Variants in C2CD4C observed in about 807,000 individuals in gnomAD.
The protein encoded by C2CD4C is C2 calcium-dependent domain-containing protein 4C.
In C2CD4C, 3 loss-of-function variants were observed where a neutral mutation model predicts 4.1. The ratio of observed to expected loss-of-function variants is 0.73; its 90% CI spans 0.33 to 1.88. C2CD4C has a LOEUF of 1.88. Among genes scored for constraint, C2CD4C ranks in the 40% most tolerant of loss-of-function variants. The pLI is 0.08. For synonymous variants in C2CD4C, 364 were observed against 290.4 expected, an observed-to-expected ratio of 1.25 and a Z score of -2.57; for missense variants, 664 against 621.5, an observed-to-expected ratio of 1.07 and a Z score of -0.73.
rs1332560232 is a variant in C2CD4C, at chr19:406,968, G to A, written c.*128C>T. 2 of 639,850 alleles carry A rather than the reference G, an allele frequency of 3.1e-6. No individual in the cohort carries two copies. The highest frequency in any genetic ancestry group is 3.4e-5 in the East Asian group (1 of 29,360). 39.6% of individuals were successfully genotyped at this position (639,850 alleles called of 1,614,324 possible). A position where few individuals can be genotyped will look rare whatever the true frequency, so the allele number is the denominator to read the frequency against. On this transcript the variant is annotated 3_prime_UTR_variant, in exon 2 of 2. Coordinates refer to ENST00000332235, the MANE Select transcript of C2CD4C (RefSeq NM_001136263.2). ...AGCTACAGCATCAGCGCCCAGCCCA[G>A]CCTGAGTGTGAGCCCCTCCCCGGCC...
chr19:407,069 C>T lies in C2CD4C; in HGVS notation c.*27G>A, dbSNP rs777548586. The T allele has an allele frequency of 1.8e-5, 27 of 1,521,884 alleles. No homozygotes were observed. The highest frequency in any genetic ancestry group is 1.2e-4 in the East Asian group (5 of 40,614). The allele number at this position is 1,521,884 out of a possible 1,614,324, so 94.3% of individuals were successfully genotyped here. Reference sequence around the variant, plus strand: ...GAGACCGGGGTCTGCCCTCTGCACCCGAGCGGACAGCGAGCAGGTCCCCGC... The same window carrying T: ...GAGACCGGGGTCTGCCCTCTGCACCTGAGCGGACAGCGAGCAGGTCCCCGC... On this transcript the variant is annotated 3_prime_UTR_variant, in exon 2 of 2. Transcript: ENST00000332235.
Position 407,702 on chromosome 19 carries a change from G to C in C2CD4C, c.660C>G (p.Ser220=), listed in dbSNP as rs1974014176. Residue 220 remains serine (S), a synonymous_variant, in exon 2 of 2, where the codon TCC becomes TCG. Transcript: ENST00000332235. ...YFSGGESDTG[S]SAESSPFGSP... is the part of the protein sequence containing the mutation. ...ACCCGAAGGGGGAGGACTCGGCCGA[G>C]GACCCTGTGTCGCTCTCCCCGCCAC... 1 of 1,534,038 alleles carries C rather than the reference G, an allele frequency of 6.5e-7. No homozygotes were observed. The highest frequency in any genetic ancestry group is 1.2e-5 in the South Asian group (1 of 81,578).
intron 1 of C2CD4C, 93 bp downstream of exon 1, chr19:408,913 T>C (rs950276641): frequency 2.0e-5 from 3 of 152,038 alleles, no homozygotes; most frequent in African/African-American, 2.4e-5. Flanking sequence ...GACTCCCCGG[T>C]GTCCCCCCGC....
rs530564561 is a variant in C2CD4C, at chr19:407,553, G to T, written c.809C>A (p.Pro270Gln). 1.8e-5 allele frequency: 25 copies of T among 1,401,374 alleles called. No homozygotes were observed. The highest frequency in any genetic ancestry group is 2.2e-5 in the Non-Finnish European group (24 of 1,078,328). 86.8% of individuals were successfully genotyped at this position (1,401,374 alleles called of 1,614,324 possible). Reference sequence around the variant, plus strand: ...GCGCCGGCTCCCGGGGCTGGCGTCCGGGGTGCTGTCGTCCGCAGACAGGGA... The same window carrying T: ...GCGCCGGCTCCCGGGGCTGGCGTCCTGGGTGCTGTCGTCCGCAGACAGGGA... ...HGSLSADDST[P>Q]DASPGSRRRL... The change falls in exon 2 of 2, where the codon CCG (proline) becomes CAG (glutamine). Residue 270 changes from proline (P) to glutamine (Q), a missense_variant. Transcript: ENST00000332235.
At chr19:408,768 G>A (rs1325851914) in intron 1 of C2CD4C, among the ~76,000 whole-genome samples, 1 of 152,160 alleles carries the variant, frequency 6.6e-6, no homozygotes, top group African/African-American at 2.4e-5. Context: ...ACGGATGTGG[G>A]TGGACCCCCG....
rs544062749 is a variant in C2CD4C at position 406,594 on chromosome 19, G to A, written c.*502C>T. On this transcript the variant is annotated 3_prime_UTR_variant, in exon 2 of 2. Coordinates refer to ENST00000332235, the MANE Select transcript of C2CD4C (RefSeq NM_001136263.2). ...CAGAGCCTGGGCCTGGTGTGGCCGC[G>A]AGGCCCTGCTCTCCGCGGGGTGGGA... 18 of 153,078 alleles carry A rather than the reference G, an allele frequency of 1.2e-4. No homozygotes were observed. In the East Asian group the frequency reaches 2.3e-3, roughly 20 times the overall value. 9.5% of individuals were successfully genotyped at this position (153,078 alleles called of 1,614,324 possible). A position where few individuals can be genotyped will look rare whatever the true frequency, so the allele number is the denominator to read the frequency against.
Position 406,647 on chromosome 19 carries a change from G to C in C2CD4C, c.*449C>G, listed in dbSNP as rs1293037638. On this transcript the variant is annotated 3_prime_UTR_variant, in exon 2 of 2. Transcript: ENST00000332235. ...TGGATGGCGGCAGGCTGTGGGGGAG[G>C]AAGACACACGTGCAGTGAAGGAGAC... is the stretch of plus-strand genomic sequence containing the variant. 1 of 155,924 alleles carries C rather than the reference G, an allele frequency of 6.4e-6. No individual in the cohort carries two copies. Among genetic ancestry groups the C allele is most frequent in the Non-Finnish European group, 1.4e-5 (1 of 70,758 alleles). 9.7% of individuals were successfully genotyped at this position (155,924 alleles called of 1,614,324 possible).
rs974957951 is a variant in C2CD4C, at chr19:407,046, G to A, written c.*50C>T. ...CCGCCAGCACCCGGTGTGGAGGAGAGACCGGGGTCTGCCCTCTGCACCCGA... is the reference window on the plus strand; with the variant it reads ...CCGCCAGCACCCGGTGTGGAGGAGAAACCGGGGTCTGCCCTCTGCACCCGA... On this transcript the variant is annotated 3_prime_UTR_variant, in exon 2 of 2. Transcript: ENST00000332235. 77 of 1,471,350 alleles carry A rather than the reference G, an allele frequency of 5.2e-5. No homozygotes were observed. The highest frequency in any genetic ancestry group is 6.5e-5 in the Non-Finnish European group (72 of 1,104,508). The allele number at this position is 1,471,350 out of a possible 1,614,324, so 91.1% of individuals were successfully genotyped here. A position where few individuals can be genotyped will look rare whatever the true frequency, so the allele number is the denominator to read the frequency against.
At position 406,981 on chromosome 19, in the gene C2CD4C, C is replaced by CCCCCA; in HGVS notation, c.*114_*115insTGGGG. ...GCGCCCAGCCCAGCCTGAGTGTGAG[C>CCCCCA]CCCTCCCCGGCCAGCCCCAGCCCAA... On this transcript the variant is annotated 3_prime_UTR_variant, in exon 2 of 2. Coordinates refer to ENST00000332235, the MANE Select transcript of C2CD4C (RefSeq NM_001136263.2). 5 of 636,054 alleles carry CCCCCA rather than the reference C, an allele frequency of 7.9e-6. No individual in the cohort carries two copies. Among genetic ancestry groups the CCCCCA allele is most frequent in the Non-Finnish European group, 1.3e-5 (5 of 396,864 alleles). The allele number at this position is 636,054 out of a possible 1,614,324, so 39.4% of individuals were successfully genotyped here.
At position 408,031 on chromosome 19, in the gene C2CD4C, C is replaced by G. The variant is rs1452701017; in HGVS notation, c.331G>C (p.Val111Leu). The change falls in exon 2 of 2, where the codon GTG (valine) becomes CTG (leucine). Residue 111 changes from valine to leucine, a missense_variant. Physicochemically the swap from Val to Leu is conservative, Grantham distance 32 (BLOSUM62 1). Transcript: ENST00000332235. ...KSLLKAATRH[V>L]IQIESAEDWL... ...TCCTCGGCACTCTCGATCTGGATCA[C>G]GTGCCGGGTGGCTGCCTTCAGCAGG... The G allele has an allele frequency of 6.5e-7, 1 of 1,545,254 alleles. No individual in the cohort carries two copies. The highest frequency in any genetic ancestry group is 1.4e-5 in the African/African-American group (1 of 72,702).
In C2CD4C at chr19:406,985, T is replaced by TCCCCCCCCCCCCCCCCCCCCACCC; in HGVS notation, c.*110_*111insGGGTGGGGGGGGGGGGGGGGGGGG. 1.6e-6 allele frequency: 1 copy of TCCCCCCCCCCCCCCCCCCCCACCC among 616,492 alleles called. No individual in the cohort carries two copies. Among genetic ancestry groups the TCCCCCCCCCCCCCCCCCCCCACCC allele is most frequent in the Non-Finnish European group, 2.6e-6 (1 of 384,118 alleles). 38.2% of individuals were successfully genotyped at this position (616,492 alleles called of 1,614,324 possible). A position where few individuals can be genotyped will look rare whatever the true frequency, so the allele number is the denominator to read the frequency against. On this transcript the variant is annotated 3_prime_UTR_variant, in exon 2 of 2. Coordinates refer to ENST00000332235, the MANE Select transcript of C2CD4C (RefSeq NM_001136263.2). ...CCAGCCCAGCCTGAGTGTGAGCCCC[T>TCCCCCCCCCCCCCCCCCCCCACCC]CCCCGGCCAGCCCCAGCCCAAGCCA...
At position 406,942 on chromosome 19, in the gene C2CD4C, C is replaced by A. The variant is rs1973999994; in HGVS notation, c.*154G>T. 1.1e-5 allele frequency: 6 copies of A among 559,812 alleles called. No individual in the cohort carries two copies. The East Asian group carries it at 1.8e-4, about 16-fold the overall frequency. 34.7% of individuals were successfully genotyped at this position (559,812 alleles called of 1,614,324 possible). A position where few individuals can be genotyped will look rare whatever the true frequency, so the allele number is the denominator to read the frequency against. On this transcript the variant is annotated 3_prime_UTR_variant, in exon 2 of 2. Transcript: ENST00000332235. ...TCGGGTGACCCAGGAAACCCTGCGT[C>A]AGCTACAGCATCAGCGCCCAGCCCA... is the stretch of plus-strand genomic sequence containing the variant.
At chr19:408,466 T>A in intron 1 of C2CD4C, 65 bp from the exon 2 acceptor site, 1 of 458,086 alleles carries the variant, frequency 2.2e-6, no homozygotes, top group Non-Finnish European at 3.4e-6. Context: ...GGGCACCTGC[T>A]CCCTGTGGGG....
Position 408,266 on chromosome 19 carries a change from G to A in C2CD4C, c.96C>T (p.Ala32=). The change falls in exon 2 of 2, where the codon GCC becomes GCT. Residue 32 remains alanine, a synonymous_variant. Transcript: ENST00000332235. ...CATTGCTGTACAGGGGCCCCTTGGA[G>A]GCCTTGTCCCCCGCCTCACTCCCCA... ...RGVGSEAGDK[A]SKGPLYSNVL... The A allele has an allele frequency of 1.3e-6, 2 of 1,508,856 alleles. No individual in the cohort carries two copies. Among genetic ancestry groups the A allele is most frequent in the Non-Finnish European group, 1.8e-6 (2 of 1,131,132 alleles). The allele number at this position is 1,508,856 out of a possible 1,614,324, so 93.5% of individuals were successfully genotyped here. A position where few individuals can be genotyped will look rare whatever the true frequency, so the allele number is the denominator to read the frequency against.
In C2CD4C at chr19:407,705, C is replaced by T. The variant is rs1974014263; in HGVS notation, c.657G>A (p.Gly219=). ...CGAAGGGGGAGGACTCGGCCGAGGA[C>T]CCTGTGTCGCTCTCCCCGCCACTGA... The part of the protein sequence containing the change: ...RYFSGGESDT[G]SSAESSPFGS... Residue 219 remains glycine, a synonymous_variant, in exon 2 of 2, where the codon GGG becomes GGA. Transcript: ENST00000332235. 1.8e-5 allele frequency: 27 copies of T among 1,532,600 alleles called. No individual in the cohort carries two copies. The highest frequency in any genetic ancestry group is 2.5e-5 in the East Asian group (1 of 40,596). 94.9% of individuals were successfully genotyped at this position (1,532,600 alleles called of 1,614,324 possible). A position where few individuals can be genotyped will look rare whatever the true frequency, so the allele number is the denominator to read the frequency against.
In C2CD4C at chr19:407,543, G is replaced by A. The variant is rs1369900104; in HGVS notation, c.819C>T (p.Ser273=). Residue 273 remains serine (S), a synonymous_variant, in exon 2 of 2, where the codon AGC becomes AGT. Coordinates refer to ENST00000332235, the MANE Select transcript of C2CD4C (RefSeq NM_001136263.2). ...GGGTCAGGCGGCGCCGGCTCCCGGGGCTGGCGTCCGGGGTGCTGTCGTCCG... is the reference window on the plus strand; with the variant it reads ...GGGTCAGGCGGCGCCGGCTCCCGGGACTGGCGTCCGGGGTGCTGTCGTCCG... ...LSADDSTPDA[S]PGSRRRLTRR... is the part of the protein sequence containing the mutation. The A allele has an allele frequency of 2.2e-6, 3 of 1,391,958 alleles. No homozygotes were observed. The highest frequency in any genetic ancestry group is 3.3e-5 in the South Asian group (2 of 60,678). 86.2% of individuals were successfully genotyped at this position (1,391,958 alleles called of 1,614,324 possible). A position where few individuals can be genotyped will look rare whatever the true frequency, so the allele number is the denominator to read the frequency against.
chr19:407,513 C>T lies in C2CD4C; in HGVS notation c.849G>A (p.Arg283=). ...ACTCGGGGCCAGGTTCCGGGGGTGC[C>T]CGGCGGGTCAGGCGGCGCCGGCTCC... ...SPGSRRRLTR[R]APPEPGPESG... The change falls in exon 2 of 2, where the codon CGG becomes CGA. Residue 283 remains arginine, a synonymous_variant. Coordinates refer to ENST00000332235, the MANE Select transcript of C2CD4C (RefSeq NM_001136263.2). 1 of 1,380,914 alleles carries T rather than the reference C, an allele frequency of 7.2e-7. No individual in the cohort carries two copies. Among genetic ancestry groups the T allele is most frequent in the Non-Finnish European group, 9.3e-7 (1 of 1,069,930 alleles). 85.5% of individuals were successfully genotyped at this position (1,380,914 alleles called of 1,614,324 possible).
At chr19:408,761 G>C (rs1974042077) in intron 1 of C2CD4C, among the ~76,000 whole-genome samples, 1 of 152,156 alleles carries the variant, frequency 6.6e-6, no homozygotes, top group Admixed American at 6.5e-5. Context: ...GGAAGACACG[G>C]ATGTGGGTGG....
chr19:408,650 T>C (rs1453578823), intron 1 of C2CD4C, among the ~76,000 whole-genome samples: 13 of 152,026 alleles, frequency 8.6e-5, no homozygotes, highest in Admixed American at 8.5e-4. Context: ...GCGCTCTGAC[T>C]CTCCGGGGAG....
Sources: allele counts gnomAD v4.1 joint callset (sites outside exome capture counted in the v4.1 genomes callset), GRCh38; gene constraint gnomAD v4.1.1; transcripts MANE v1.5; gene names NCBI Gene and HGNC (gene_info 2026-07-23, HGNC 2026-07-21).